The following MYOM1 variants were observed in gnomAD, a reference collection of about 807,000 sequenced individuals.
MYOM1 encodes myomesin 1.
Under a neutral mutation model 205.3 loss-of-function variants are expected in MYOM1, and 164 were observed. That is an observed-to-expected ratio of 0.80 (90% CI 0.70 to 0.91). The LOEUF is 0.91. Ranked by LOEUF, MYOM1 falls within the 40% of genes least tolerant of loss-of-function variation. MYOM1 has a pLI of 0.00. For synonymous variants in MYOM1, 772 were observed against 789.4 expected (o/e 0.98, Z 0.37); for missense variants, 2,011 against 2,127.3 (o/e 0.95, Z 1.08).
the MYOM1 span, among the ~76,000 whole-genome samples, chr18:3,230,111 A>G: frequency 3.9e-5 from 6 of 151,992 alleles, no homozygotes; most frequent in Non-Finnish European, 5.9e-5. Context: ...TCTGTGAGGT[A>G]TCTTTTTCCT....
chr18:3,234,336 G>A, the MYOM1 span, among the ~76,000 whole-genome samples: 1 of 152,154 alleles, frequency 6.6e-6, no homozygotes, highest in Non-Finnish European at 1.5e-5. Context: ...CCCAAATTAT[G>A]TAACATTGTT....
intron 2 of MYOM1, among the ~76,000 whole-genome samples, chr18:3,204,818 T>C (rs1013666480): frequency 5.3e-5 from 8 of 152,058 alleles, no homozygotes; most frequent in Admixed American, 5.2e-4. Context: ...AGTTTCAAAC[T>C]TTTTATAAAG....
chr18:3,123,915 G>T (rs1007850599), intron 19 of MYOM1, among the ~76,000 whole-genome samples: 1 of 150,458 alleles, frequency 6.6e-6, no homozygotes, highest in Admixed American at 6.6e-5. Flanking sequence ...TCCACCTCCC[G>T]GGTTCAAGTG....
At chr18:3,199,777 T>C (rs566037968) in intron 2 of MYOM1, among the ~76,000 whole-genome samples, 55 of 152,020 alleles carry the variant, frequency 3.6e-4, no homozygotes, top group Non-Finnish European at 5.0e-4. Flanking sequence ...GAGGTGGAGG[T>C]TGCAGCGAGC....
At chr18:3,211,175 T>C (rs1213168060) in intron 2 of MYOM1, among the ~76,000 whole-genome samples, 1 of 152,212 alleles carries the variant, frequency 6.6e-6, no homozygotes, top group Non-Finnish European at 1.5e-5. Context: ...ATTATTTTCA[T>C]CCTAATGTAT....
chr18:3,227,234 T>C, the MYOM1 span, among the ~76,000 whole-genome samples: 16 of 152,188 alleles, frequency 1.1e-4, no homozygotes, highest in Admixed American at 9.2e-4. Context: ...AAGATATAAT[T>C]AGCATCAAGA....
intron 10 of MYOM1, among the ~76,000 whole-genome samples, chr18:3,162,822 G>A (rs1196509985): frequency 6.6e-6 from 1 of 152,052 alleles, no homozygotes; most frequent in Non-Finnish European, 1.5e-5. Context: ...TCAGGAGATC[G>A]AGACCATCCT....
intron 10 of MYOM1, among the ~76,000 whole-genome samples, chr18:3,156,911 A>G (rs1332186409): frequency 6.6e-6 from 1 of 152,114 alleles, no homozygotes; most frequent in Admixed American, 6.5e-5. Flanking sequence ...GCCCGGCGAG[A>G]CACTTCTTTC....
rs9955293 is a variant in MYOM1, at chr18:3,209,351, C to T, written c.290+5583G>A. 0.034 allele frequency among the ~76,000 whole-genome samples: 5,104 copies of T among 152,248 alleles called. 231 individuals are homozygous for T. Among genetic ancestry groups the T allele is most frequent in the African/African-American group, 0.11 (4,471 of 41,518 alleles). On this transcript the variant is annotated intron_variant, in intron 2 of 37. Coordinates refer to ENST00000356443, the MANE Select transcript of MYOM1 (RefSeq NM_003803.4). The surrounding 1 kb of genome is among the most constrained non-coding windows in gnomAD (Gnocchi z 4.0). ...CACATCTGGCCACTGCTCGCACATC[C>T]GCTCTTACTGCACATCTGGCCCTGG...
In MYOM1 at chr18:3,174,218, C is replaced by G. The variant is rs1378368847; in HGVS notation, c.1023-10G>C. 1.2e-6 allele frequency: 2 copies of G among 1,609,820 alleles called. No individual in the cohort carries two copies. The highest frequency in any genetic ancestry group is 1.7e-5 in the Admixed American group (1 of 59,630). On this transcript the variant is annotated splice_polypyrimidine_tract_variant and intron_variant, in intron 6 of 37. Coordinates refer to ENST00000356443, the MANE Select transcript of MYOM1 (RefSeq NM_003803.4). ...ATCTTCAAAATCACATCTGAAAGAA[C>G]AGACGGAAATGAATATCCATCGTAG...
intron 19 of MYOM1, among the ~76,000 whole-genome samples, chr18:3,126,492 A>T (rs1220431580): frequency 6.6e-6 from 1 of 152,164 alleles, no homozygotes; most frequent in Non-Finnish European, 1.5e-5. Context: ...GCTTATGTGT[A>T]TGGATCAGAA....
chr18:3,135,492 T>C lies in MYOM1; in HGVS notation c.2209+55A>G, dbSNP rs1467658568. On this transcript the variant is annotated intron_variant, in intron 15 of 37. Transcript: ENST00000356443. The surrounding 1 kb of genome is among the most constrained non-coding windows in gnomAD (Gnocchi z 4.1). ...TACTCCTGGCCAAATATACATATAC[T>C]AGATCCTTGCTTTGAAATTTTCTCT... 1.3e-6 allele frequency: 2 copies of C among 1,534,806 alleles called. No individual in the cohort carries two copies. Among genetic ancestry groups the C allele is most frequent in the Non-Finnish European group, 1.8e-6 (2 of 1,128,364 alleles).
At chr18:3,104,919 T>C (rs184618777) in intron 22 of MYOM1, among the ~76,000 whole-genome samples, 27 of 151,954 alleles carry the variant, frequency 1.8e-4, no homozygotes, top group Admixed American at 1.4e-3. Flanking sequence ...GCCAATTTTT[T>C]TGCATTTTTT....
At chr18:3,213,413 GT>G (rs1379600709) in intron 2 of MYOM1, among the ~76,000 whole-genome samples, 1 of 152,158 alleles carries the variant, frequency 6.6e-6, no homozygotes, top group African/African-American at 2.4e-5. Context: ...AAGATCAGCA[GT>G]TTTTTTCTGT....
At chr18:3,072,973 ATTT>A (rs770278592) in intron 36 of MYOM1, among the ~76,000 whole-genome samples, 4 of 102,442 alleles carry the variant, frequency 3.9e-5, no homozygotes, top group African/African-American at 7.6e-5. Context: ...AGATGTAAGC[ATTT>A]TTTTTTTTTT....
At chr18:3,074,741 T>C (rs905788707) in intron 36 of MYOM1, among the ~76,000 whole-genome samples, 11 of 152,176 alleles carry the variant, frequency 7.2e-5, no homozygotes, top group Non-Finnish European at 1.3e-4. Flanking sequence ...ATGTACAGTA[T>C]TTGTTGGGGC....
At chr18:3,108,087 T>G (rs2079474565) in intron 22 of MYOM1, among the ~76,000 whole-genome samples, 1 of 152,164 alleles carries the variant, frequency 6.6e-6, no homozygotes, top group Non-Finnish European at 1.5e-5. Flanking sequence ...CTTTCCCCAT[T>G]GTAGGCATCT....
At chr18:3,111,198 G>A (rs187117606) in intron 22 of MYOM1, among the ~76,000 whole-genome samples, 68 of 136,806 alleles carry the variant, frequency 5.0e-4, no homozygotes, top group Admixed American at 1.2e-3. Context: ...AGCCTCAGCT[G>A]CCCAAAGTGT....
chr18:3,183,224 C>A (rs1021340051), intron 5 of MYOM1, among the ~76,000 whole-genome samples: 8 of 152,176 alleles, frequency 5.3e-5, no homozygotes, highest in Non-Finnish European at 1.2e-4. Flanking sequence ...CCACCACGCC[C>A]GGCCTGTAAC....
Sources: gnomAD v4.1 joint callset for allele counts (sites outside exome capture counted in the v4.1 genomes callset) on GRCh38, gnomAD v4.1.1 for gene constraint, Gnocchi (gnomAD v3.1) non-coding constraint, MANE v1.5 for transcripts, NCBI Gene and HGNC (gene_info 2026-07-23, HGNC 2026-07-21) for gene names.